The following PET100 variants were observed in gnomAD, a reference collection of about 807,000 sequenced individuals.
The protein encoded by PET100 is PET100 cytochrome c oxidase chaperone, also known as protein PET100 homolog, mitochondrial.
A neutral mutation model predicts 13.6 loss-of-function variants in PET100; 13 were observed. That is an observed-to-expected ratio of 0.96 (90% CI 0.62 to 1.52). The LOEUF (loss-of-function observed/expected upper bound fraction) is 1.52, where lower values mean the gene tolerates loss of function less well. PET100 is among the 40% of genes most tolerant of loss of function. The pLI is 0.00. For synonymous variants in PET100, 28 were observed against 30.8 expected, an observed-to-expected ratio of 0.91 and a Z score of 0.30; for missense variants, 94 against 95.3, an observed-to-expected ratio of 0.99 and a Z score of 0.06.
At position 7,631,399 on chromosome 19, in the gene PET100, C is replaced by CGG. The variant is rs1203991530; in HGVS notation, c.139-66_139-65dup. ...GGGGCAGGGTGGTGGGAGAGGTGGG[C>CGG]GGGGGGGGGTGGTCCCGGCTCTGAG... is the stretch of plus-strand genomic sequence containing the variant. On this transcript the variant is annotated intron_variant, in intron 3 of 3. Transcript: ENST00000594797. The CGG allele has an allele frequency of 2.6e-3, 1,510 of 582,232 alleles. 4 individuals are homozygous for CGG. The Admixed American group carries it at 0.037, about 14-fold the overall frequency. 36.1% of individuals were successfully genotyped at this position (582,232 alleles called of 1,614,324 possible). A position where few individuals can be genotyped will look rare whatever the true frequency, so the allele number is the denominator to read the frequency against.
At chr19:7,630,438 G>T in intron 1 of PET100, 135 bp from the exon 2 acceptor site, 1 of 688,660 alleles carries the variant, frequency 1.5e-6, no homozygotes, top group South Asian at 1.7e-5. Flanking sequence ...TACCCTTGGT[G>T]GGAGTTCTGG....
intron 1 of PET100, 163 bp downstream of exon 1, chr19:7,630,023 G>T: frequency 1.1e-6 from 1 of 902,894 alleles, no homozygotes; most frequent in Non-Finnish European, 1.6e-6. Flanking sequence ...GAGAGGGGAC[G>T]CTGGGCTGGG....
rs914319799 is a variant in PET100 at position 7,630,854 on chromosome 19, A to T, written c.138+8A>T. Reference sequence around the variant, plus strand: ...CTGTGGCCACCTGAGAAGGTAAGTGATCTCTTCTTCCTGCCAGAGGGATGG... The same window carrying T: ...CTGTGGCCACCTGAGAAGGTAAGTGTTCTCTTCTTCCTGCCAGAGGGATGG... On this transcript the variant is annotated splice_region_variant and intron_variant, in intron 3 of 3. Coordinates refer to ENST00000594797, the MANE Select transcript of PET100 (RefSeq NM_001171155.2). 1.3e-6 allele frequency: 2 copies of T among 1,537,072 alleles called. No individual in the cohort carries two copies. Among genetic ancestry groups the T allele is most frequent in the African/African-American group, 1.4e-5 (1 of 72,998 alleles).
chr19:7,630,778 C>T, intron 2 of PET100, 45 bp from the exon 3 acceptor site: 1 of 1,537,208 alleles, frequency 6.5e-7, no homozygotes, highest in Non-Finnish European at 8.7e-7. Context: ...ATGTGGGGCT[C>T]TGGAGGCCTT....
In PET100 at chr19:7,630,863, T is replaced by C; in HGVS notation, c.138+17T>C. On this transcript the variant is annotated intron_variant, in intron 3 of 3. Coordinates refer to ENST00000594797, the MANE Select transcript of PET100 (RefSeq NM_001171155.2). Reference sequence around the variant, plus strand: ...CCTGAGAAGGTAAGTGATCTCTTCTTCCTGCCAGAGGGATGGAGGAGGCTG... The same window carrying C: ...CCTGAGAAGGTAAGTGATCTCTTCTCCCTGCCAGAGGGATGGAGGAGGCTG... The C allele has an allele frequency of 6.5e-7, 1 of 1,537,224 alleles. No homozygotes were observed. The highest frequency in any genetic ancestry group is 1.2e-5 in the South Asian group (1 of 84,060).
In PET100 at chr19:7,631,598, T is replaced by G; in HGVS notation, c.*42T>G. The G allele has an allele frequency of 6.6e-7, 1 of 1,511,892 alleles. No homozygotes were observed. Among genetic ancestry groups the G allele is most frequent in the African/African-American group, 1.4e-5 (1 of 71,858 alleles). The allele number at this position is 1,511,892 out of a possible 1,614,324, so 93.7% of individuals were successfully genotyped here. On this transcript the variant is annotated 3_prime_UTR_variant, in exon 4 of 4. Transcript: ENST00000594797. Reference sequence around the variant, plus strand: ...TCCTAGCCCCTCCCCTGATGAAATATACATATACTCAGTTCCTTGTTATTC... The same window carrying G: ...TCCTAGCCCCTCCCCTGATGAAATAGACATATACTCAGTTCCTTGTTATTC...
intron 3 of PET100, chr19:7,631,215 A>G (rs1238510124): frequency 1.4e-6 from 2 of 1,384,098 alleles, no homozygotes; most frequent in African/African-American, 1.5e-5. Context: ...TCTCAAAAAG[A>G]AACATTTTAC....
At position 7,631,726 on chromosome 19, in the gene PET100, C is replaced by A. The variant is rs772121229; in HGVS notation, c.*170C>A. ...TGTCGGGGGCTGGGGGCTGCTGTTCCGACGGAAGCCGAGAGCGGTCGGGTC... is the reference window on the plus strand; with the variant it reads ...TGTCGGGGGCTGGGGGCTGCTGTTCAGACGGAAGCCGAGAGCGGTCGGGTC... On this transcript the variant is annotated 3_prime_UTR_variant, in exon 4 of 4. Coordinates refer to ENST00000594797, the MANE Select transcript of PET100 (RefSeq NM_001171155.2). 1 of 1,438,990 alleles carries A rather than the reference C, an allele frequency of 6.9e-7. No homozygotes were observed. Among genetic ancestry groups the A allele is most frequent in the Non-Finnish European group, 9.1e-7 (1 of 1,093,536 alleles). The allele number at this position is 1,438,990 out of a possible 1,614,324, so 89.1% of individuals were successfully genotyped here. A position where few individuals can be genotyped will look rare whatever the true frequency, so the allele number is the denominator to read the frequency against.
intron 1 of PET100, 161 bp downstream of exon 1, chr19:7,630,021 A>C: frequency 4.4e-5 from 28 of 633,348 alleles, no homozygotes; most frequent in Middle Eastern, 4.4e-4. Context: ...AGGAGAGGGG[A>C]CGCTGGGCTG....
At chr19:7,631,410 G>GT in intron 3 of PET100, 63 bp from the exon 4 acceptor site, 1 of 821,212 alleles carries the variant, frequency 1.2e-6, no homozygotes. Context: ...GGGGGGGGGT[G>GT]GTCCCGGCTC....
chr19:7,631,828 A>T lies in PET100; in HGVS notation c.*272A>T. On this transcript the variant is annotated 3_prime_UTR_variant, in exon 4 of 4. Transcript: ENST00000594797. ...TCCGTCCTGTGGATGAAGAGGGGTC[A>T]GCCAGGGGGAGGGCTCAAGGGCAGT... 1 of 1,383,866 alleles carries T rather than the reference A, an allele frequency of 7.2e-7. No individual in the cohort carries two copies. Among genetic ancestry groups the T allele is most frequent in the Non-Finnish European group, 9.4e-7 (1 of 1,062,828 alleles). The allele number at this position is 1,383,866 out of a possible 1,614,324, so 85.7% of individuals were successfully genotyped here. A position where few individuals can be genotyped will look rare whatever the true frequency, so the allele number is the denominator to read the frequency against.
intron 3 of PET100, 99 bp downstream of exon 3, chr19:7,630,945 C>T (rs779176738): frequency 5.6e-6 from 8 of 1,435,318 alleles, no homozygotes; most frequent in Middle Eastern, 1.7e-4. Flanking sequence ...CGCAGTGGCT[C>T]ATGCTTGTAA....
At position 7,631,585 on chromosome 19, in the gene PET100, C is replaced by T; in HGVS notation, c.*29C>T. On this transcript the variant is annotated 3_prime_UTR_variant, in exon 4 of 4. Transcript: ENST00000594797. ...CTCCAAGTGGGAGTCCTAGCCCCTC[C>T]CCTGATGAAATATACATATACTCAG... 6.6e-7 allele frequency: 1 copy of T among 1,520,830 alleles called. No individual in the cohort carries two copies. The highest frequency in any genetic ancestry group is 8.8e-7 in the Non-Finnish European group (1 of 1,139,294). The allele number at this position is 1,520,830 out of a possible 1,614,324, so 94.2% of individuals were successfully genotyped here.
In PET100 at chr19:7,631,300, C is replaced by A; in HGVS notation, c.139-173C>A. 4.3e-6 allele frequency: 6 copies of A among 1,408,992 alleles called. No homozygotes were observed. In the South Asian group the frequency reaches 9.6e-5, roughly 23 times the overall value. 87.3% of individuals were successfully genotyped at this position (1,408,992 alleles called of 1,614,324 possible). ...ATTGCCTTCTCCTGGAAGAGTGAAGCGGATCCCACGCGGACCCCTTTGTAA... is the reference window on the plus strand; with the variant it reads ...ATTGCCTTCTCCTGGAAGAGTGAAGAGGATCCCACGCGGACCCCTTTGTAA... On this transcript the variant is annotated intron_variant, in intron 3 of 3. Coordinates refer to ENST00000594797, the MANE Select transcript of PET100 (RefSeq NM_001171155.2).
intron 3 of PET100, chr19:7,631,172 G>T: frequency 8.4e-7 from 1 of 1,188,820 alleles, no homozygotes; most frequent in East Asian, 2.8e-5. Flanking sequence ...TCACGCCACT[G>T]CACTCCAGCC....
chr19:7,631,870 G>A lies in PET100; in HGVS notation c.*314G>A, dbSNP rs374022067. On this transcript the variant is annotated 3_prime_UTR_variant, in exon 4 of 4. Transcript: ENST00000594797. ...AAGGGCAGTGCCGGCCACAGGTGGC[G>A]AACAATGGAGAGAGGGTGCAGGTAG... 23 of 1,358,440 alleles carry A rather than the reference G, an allele frequency of 1.7e-5. No individual in the cohort carries two copies. In the East Asian group the frequency reaches 1.9e-4, roughly 11 times the overall value. The allele number at this position is 1,358,440 out of a possible 1,614,324, so 84.1% of individuals were successfully genotyped here.
rs1269710016 is a variant in PET100, at chr19:7,631,663, A to T, written c.*107A>T. On this transcript the variant is annotated 3_prime_UTR_variant, in exon 4 of 4. Transcript: ENST00000594797. Reference sequence around the variant, plus strand: ...TTCTTTTATCAGTTTTTGGGGGCCGAGTGAGACCCAGGATGCCTCAGGCCC... The same window carrying T: ...TTCTTTTATCAGTTTTTGGGGGCCGTGTGAGACCCAGGATGCCTCAGGCCC... 1 of 1,466,154 alleles carries T rather than the reference A, an allele frequency of 6.8e-7. No homozygotes were observed. Among genetic ancestry groups the T allele is most frequent in the Non-Finnish European group, 9.0e-7 (1 of 1,107,900 alleles). The allele number at this position is 1,466,154 out of a possible 1,614,324, so 90.8% of individuals were successfully genotyped here. A position where few individuals can be genotyped will look rare whatever the true frequency, so the allele number is the denominator to read the frequency against.
rs1486322024 is a variant in PET100 at position 7,631,661 on chromosome 19, C to T, written c.*105C>T. On this transcript the variant is annotated 3_prime_UTR_variant, in exon 4 of 4. Coordinates refer to ENST00000594797, the MANE Select transcript of PET100 (RefSeq NM_001171155.2). ...TATTCTTTTATCAGTTTTTGGGGGC[C>T]GAGTGAGACCCAGGATGCCTCAGGC... 23 of 1,453,234 alleles carry T rather than the reference C, an allele frequency of 1.6e-5. No homozygotes were observed. The highest frequency in any genetic ancestry group is 1.3e-4 in the South Asian group (9 of 67,870). 90.0% of individuals were successfully genotyped at this position (1,453,234 alleles called of 1,614,324 possible). A position where few individuals can be genotyped will look rare whatever the true frequency, so the allele number is the denominator to read the frequency against.
At position 7,630,750 on chromosome 19, in the gene PET100, T is replaced by A. The variant is rs117622602; in HGVS notation, c.115-73T>A. ...GCTGGGGACTAATGTCTGCCTCCCA[T>A]AAGCCGACCCTGCCCTGATGTGGGG... On this transcript the variant is annotated intron_variant, in intron 2 of 3. Coordinates refer to ENST00000594797, the MANE Select transcript of PET100 (RefSeq NM_001171155.2). 11,892 of 1,535,684 alleles carry A rather than the reference T, an allele frequency of 7.7e-3. 632 individuals are homozygous for A. In the Admixed American group the frequency reaches 0.14, roughly 18 times the overall value.
Sources: allele counts gnomAD v4.1 joint callset, GRCh38; gene constraint gnomAD v4.1.1; transcripts MANE v1.5; gene names NCBI Gene and HGNC (gene_info 2026-07-23, HGNC 2026-07-21).